Variants in GBA1 observed in about 807,000 individuals in gnomAD.
GBA1 encodes the protein lysosomal acid glucosylceramidase.
At chr1:155,237,646 C>T in the GBA1 span, 2 of 1,596,076 alleles carry the variant, frequency 1.3e-6, no homozygotes, top group East Asian at 2.3e-5. Flanking sequence ...TGTGGTGGCT[C>T]ACACCTGTAA....
the GBA1 span, chr1:155,235,746 G>T: frequency 6.2e-7 from 1 of 1,614,146 alleles, no homozygotes; most frequent in Non-Finnish European, 8.5e-7. Flanking sequence ...TGTCTACAAT[G>T]ATGGGACTGT....
At chr1:155,240,554 T>G in the GBA1 span, 62 of 1,128,268 alleles carry the variant, frequency 5.5e-5, no homozygotes, top group South Asian at 4.4e-4. Context: ...ACCACCAGCT[T>G]ACTGGAAGGC....
At chr1:155,241,546 T>A in the GBA1 span, among the ~76,000 whole-genome samples, 388 of 146,834 alleles carry the variant, frequency 2.6e-3, 2 homozygotes, top group African/African-American at 6.8e-3. Flanking sequence ...TGATATAATT[T>A]AAAAAAAAAA....
chr1:155,238,266 G>A, the GBA1 span: 1 of 1,606,968 alleles, frequency 6.2e-7, no homozygotes, highest in Non-Finnish European at 8.5e-7. Flanking sequence ...GAGTGAAACG[G>A]GACGCTGGGC....
At chr1:155,241,221 G>T in the GBA1 span, 1 of 1,039,154 alleles carries the variant, frequency 9.6e-7, no homozygotes, top group Non-Finnish European at 1.5e-6. Context: ...CTTAGCTATA[G>T]GCACTAGGTT....
chr1:155,239,848 C>T, the GBA1 span: 8 of 1,613,962 alleles, frequency 5.0e-6, no homozygotes, highest in South Asian at 6.6e-5. Context: ...TCTAGGAGGA[C>T]CCAGCCTGGC....
the GBA1 span, among the ~76,000 whole-genome samples, chr1:155,239,119 G>A: frequency 6.6e-6 from 1 of 151,982 alleles, no homozygotes; most frequent in South Asian, 2.1e-4. Flanking sequence ...TCGAGAGGCT[G>A]AGACAGGAGA....
chr1:155,241,770 G>T, the GBA1 span, among the ~76,000 whole-genome samples: 2 of 152,138 alleles, frequency 1.3e-5, no homozygotes, highest in South Asian at 2.1e-4. Flanking sequence ...AGTGAGGGGG[G>T]TTATTAGCCA....
At chr1:155,236,246 G>A in the GBA1 span, 11,261 of 1,613,292 alleles carry the variant, frequency 7.0e-3, 68 homozygotes, top group Non-Finnish European at 8.2e-3. Context: ...GTGGCTTACC[G>A]TGATGATGCT....
chr1:155,237,402 T>C, the GBA1 span: 1 of 1,613,986 alleles, frequency 6.2e-7, no homozygotes, highest in East Asian at 2.2e-5. Context: ...GCGGACATTG[T>C]GGTGAGTACT....
chr1:155,244,261 G>A, the GBA1 span: 1 of 152,070 alleles, frequency 6.6e-6, no homozygotes, highest in Non-Finnish European at 1.5e-5. Context: ...TTAGCCGTGC[G>A]TGGTGGCGGG....
chr1:155,237,636 T>C, the GBA1 span: 3 of 1,602,054 alleles, frequency 1.9e-6, no homozygotes, highest in Non-Finnish European at 2.6e-6. Context: ...ACCAGCTGGG[T>C]GTGGTGGCTC....
chr1:155,236,573 T>A, the GBA1 span: 1 of 924,916 alleles, frequency 1.1e-6, no homozygotes, highest in Non-Finnish European at 1.7e-6. Flanking sequence ...AGAATGCAAC[T>A]AGAGAGGTTT....
the GBA1 span, chr1:155,236,580 G>A: frequency 1.4e-5 from 12 of 874,532 alleles, no homozygotes; most frequent in Non-Finnish European, 2.2e-5. Context: ...AACTAGAGAG[G>A]TTTGGGGAGA....
the GBA1 span, among the ~76,000 whole-genome samples, chr1:155,236,639 G>A: frequency 3.9e-5 from 6 of 152,040 alleles, no homozygotes; most frequent in Non-Finnish European, 5.9e-5. Context: ...TCGGGCTGGA[G>A]TACAGTGGCG....
the GBA1 span, chr1:155,240,819 C>G: frequency 9.7e-7 from 1 of 1,031,614 alleles, no homozygotes; most frequent in African/African-American, 1.6e-5. Flanking sequence ...ATGGCCCGGT[C>G]TCCCACATTC....
the GBA1 span, chr1:155,240,429 A>G: frequency 3.1e-6 from 2 of 638,028 alleles, no homozygotes; most frequent in East Asian, 5.4e-5. Flanking sequence ...GCACCACTGC[A>G]CTCCAGCCCA....
the GBA1 span, chr1:155,240,025 G>GAC: frequency 6.2e-7 from 1 of 1,613,988 alleles, no homozygotes; most frequent in Non-Finnish European, 8.5e-7. Context: ...TGGCATTGCA[G>GAC]ACACACACCA....
At chr1:155,235,205 C>G in the GBA1 span, 67 of 1,613,020 alleles carry the variant, frequency 4.2e-5, no homozygotes, top group Admixed American at 8.4e-5. Flanking sequence ...CGGTTTAGCA[C>G]GACCACAACA....
Sources: allele counts gnomAD v4.1 joint callset (sites outside exome capture counted in the v4.1 genomes callset), GRCh38; gene constraint gnomAD v4.1.1; transcripts MANE v1.5; gene names NCBI Gene and HGNC (gene_info 2026-07-23, HGNC 2026-07-21).